The following MDGA1 variants were observed in gnomAD, a reference collection of about 807,000 sequenced individuals.
MDGA1 encodes the protein MAM domain-containing glycosylphosphatidylinositol anchor protein 1.
In MDGA1, 54 loss-of-function variants were observed where a neutral mutation model predicts 101.5. The observed-to-expected ratio is 0.53, with a 90% CI of 0.43 to 0.67. The LOEUF (loss-of-function observed/expected upper bound fraction) is 0.67, where lower values mean the gene tolerates loss of function less well. Among genes scored for constraint, MDGA1 ranks in the 30% least tolerant of loss-of-function variants. The pLI is 0.00. For missense variants in MDGA1, 1,083 were observed against 1,323.8 expected (o/e 0.82, Z 2.82); for synonymous variants, 533 against 558.3 (o/e 0.95, Z 0.64).
At chr6:37,653,277 G>A (rs1761409329) in intron 6 of MDGA1, among the ~76,000 whole-genome samples, 1 of 152,194 alleles carries the variant, frequency 6.6e-6, no homozygotes, top group African/African-American at 2.4e-5. Context: ...CTTCTGATGG[G>A]AAAAGTACCA....
chr6:37,649,128 G>GGCA lies in MDGA1; in HGVS notation c.1745_1747dup (p.Leu582dup), dbSNP rs768762270. On this transcript the variant is annotated inframe_insertion, in exon 9 of 17. Transcript: ENST00000434837. ...GGCGGCGGGAACAACAGGCGGCGGC[G>GGCA]GCAGCAGCTGCCCTTTGAAACGCCA... 1.5e-4 allele frequency: 228 copies of GGCA among 1,513,378 alleles called. No individual in the cohort carries two copies. The highest frequency in any genetic ancestry group is 1.1e-3 in the Middle Eastern group (6 of 5,466). The allele number at this position is 1,513,378 out of a possible 1,614,324, so 93.7% of individuals were successfully genotyped here. A position where few individuals can be genotyped will look rare whatever the true frequency, so the allele number is the denominator to read the frequency against.
chr6:37,651,285 C>T (rs993310723), intron 7 of MDGA1, among the ~76,000 whole-genome samples: 3 of 152,170 alleles, frequency 2.0e-5, no homozygotes, highest in African/African-American at 7.2e-5. Context: ...ACACATTGCC[C>T]AATCAGAGGG....
chr6:37,667,048 T>C (rs1761771057), intron 1 of MDGA1, among the ~76,000 whole-genome samples: 1 of 152,232 alleles, frequency 6.6e-6, no homozygotes, highest in African/African-American at 2.4e-5. Flanking sequence ...AGTCGTAATG[T>C]GTTTTACAGA....
intron 3 of MDGA1, among the ~76,000 whole-genome samples, chr6:37,657,828 G>A (rs1761526305): frequency 6.6e-6 from 1 of 152,162 alleles, no homozygotes; most frequent in East Asian, 1.9e-4. Context: ...TAGTAAGGAG[G>A]GAAATCTCAG....
In MDGA1 at chr6:37,684,430, G is replaced by A. The variant is rs555289238; in HGVS notation, c.67+12315C>T. Among the ~76,000 whole-genome samples, 7 of 152,332 alleles carry A rather than the reference G, an allele frequency of 4.6e-5. 1 individual carries two copies. In the East Asian group the frequency reaches 1.3e-3, roughly 29 times the overall value. Reference sequence around the variant, plus strand: ...TGAGAATAAGAAATGAGGTTCACAGGGGTAGGGGAAGGATTATAGAGATGT... The same window carrying A: ...TGAGAATAAGAAATGAGGTTCACAGAGGTAGGGGAAGGATTATAGAGATGT... On this transcript the variant is annotated intron_variant, in intron 1 of 16. Coordinates refer to ENST00000434837, the MANE Select transcript of MDGA1 (RefSeq NM_153487.4).
rs35594367 is a variant in MDGA1 at position 37,664,842 on chromosome 6, G to GACACACACACACACACACACACACACAC, written c.68-764_68-737dup. Among the ~76,000 whole-genome samples the GACACACACACACACACACACACACACAC allele has an allele frequency of 5.4e-5, 3 of 55,260 alleles. 1 individual carries two copies. The highest frequency in any genetic ancestry group is 1.1e-3 in the South Asian group (1 of 930). The allele number at this position is 55,260 out of a possible 152,430, so 36.3% of individuals were successfully genotyped here. ...TTTGCTTTTAGAGAGCCTAACCTAAGACACACACACACACACACACACACA... is the reference window on the plus strand; with the variant it reads ...TTTGCTTTTAGAGAGCCTAACCTAAGACACACACACACACACACACACACACACACACACACACACACACACACACACA... On this transcript the variant is annotated intron_variant, in intron 1 of 16. Coordinates refer to ENST00000434837, the MANE Select transcript of MDGA1 (RefSeq NM_153487.4).
At position 37,638,416 on chromosome 6, in the gene MDGA1, C is replaced by T; in HGVS notation, c.2668-103G>A. On this transcript the variant is annotated intron_variant, in intron 15 of 16. Coordinates refer to ENST00000434837, the MANE Select transcript of MDGA1 (RefSeq NM_153487.4). The surrounding 1 kb of genome is among the most constrained non-coding windows in gnomAD (Gnocchi z 4.8). Reference sequence around the variant, plus strand: ...TTTCCCCTTAATCTACCTGGAAGTTCCCCCTAACCTGACTCTTTCCATCCT... The same window carrying T: ...TTTCCCCTTAATCTACCTGGAAGTTTCCCCTAACCTGACTCTTTCCATCCT... 1 of 1,528,000 alleles carries T rather than the reference C, an allele frequency of 6.5e-7. No homozygotes were observed. Among genetic ancestry groups the T allele is most frequent in the Non-Finnish European group, 8.9e-7 (1 of 1,122,386 alleles). The allele number at this position is 1,528,000 out of a possible 1,614,324, so 94.7% of individuals were successfully genotyped here.
Position 37,649,149 on chromosome 6 carries a change from C to T in MDGA1, c.1727G>A (p.Arg576His), listed in dbSNP as rs1485249236. The T allele has an allele frequency of 2.0e-6, 3 of 1,506,374 alleles. No homozygotes were observed. The highest frequency in any genetic ancestry group is 2.6e-5 in the East Asian group (1 of 38,726). 93.3% of individuals were successfully genotyped at this position (1,506,374 alleles called of 1,614,324 possible). A position where few individuals can be genotyped will look rare whatever the true frequency, so the allele number is the denominator to read the frequency against. ...SPQRIASAVW[R>H]FKGQLLPPPP... ...CGGCGGCAGCAGCTGCCCTTTGAAA[C>T]GCCACACAGCCGAGGCGATGCGCTG... Residue 576 changes from arginine (R) to histidine (H), a missense_variant, in exon 9 of 17, where the codon CGT (arginine) becomes CAT (histidine). This residue lies in a region of MDGA1 where 657 missense variants were observed against 771.4 expected (regional missense o/e 0.85). Transcript: ENST00000434837.
rs1212022160 is a variant in MDGA1, at chr6:37,661,101, T to A, written c.208-2682A>T. On this transcript the variant is annotated intron_variant, in intron 2 of 16. Coordinates refer to ENST00000434837, the MANE Select transcript of MDGA1 (RefSeq NM_153487.4). ...GAGTCTGGGCTGTGGGACAGAGATC[T>A]TCTGGTCCTCATTCATAGATGATGC... is the stretch of plus-strand genomic sequence containing the variant. 3.9e-5 allele frequency among the ~76,000 whole-genome samples: 6 copies of A among 152,362 alleles called. No individual in the cohort carries two copies. In the East Asian group the frequency reaches 1.2e-3, roughly 29 times the overall value.
intron 2 of MDGA1, among the ~76,000 whole-genome samples, chr6:37,662,382 A>C (rs1020605220): frequency 6.6e-6 from 1 of 152,132 alleles, no homozygotes; most frequent in Non-Finnish European, 1.5e-5. Flanking sequence ...CTGAAGCAGG[A>C]GTTCAAGACC....
chr6:37,658,853 C>T (rs1761556679), intron 2 of MDGA1, among the ~76,000 whole-genome samples: 1 of 151,886 alleles, frequency 6.6e-6, no homozygotes, highest in African/African-American at 2.4e-5. Context: ...CACCTGTGGT[C>T]CCAGCTACTC....
rs1216717185 is a variant in MDGA1, at chr6:37,696,730, G to A, written c.67+15C>T. On this transcript the variant is annotated intron_variant, in intron 1 of 16. Coordinates refer to ENST00000434837, the MANE Select transcript of MDGA1 (RefSeq NM_153487.4). The surrounding 1 kb of genome is among the most constrained non-coding windows in gnomAD (Gnocchi z 5.6). ...GCGAGGTTAAGCCAAGGTGGAGCGG[G>A]ACGCGGGCTCTTACCGTAGACTCCT... 1 of 1,571,274 alleles carries A rather than the reference G, an allele frequency of 6.4e-7. No individual in the cohort carries two copies. The highest frequency in any genetic ancestry group is 1.2e-5 in the South Asian group (1 of 85,502).
chr6:37,690,597 T>G (rs1762288422), intron 1 of MDGA1, among the ~76,000 whole-genome samples: 1 of 152,028 alleles, frequency 6.6e-6, no homozygotes, highest in Admixed American at 6.5e-5. Flanking sequence ...GCTAACATGG[T>G]GAAACCCCGT....
chr6:37,658,069 G>T (rs1037479514), intron 3 of MDGA1, among the ~76,000 whole-genome samples, 176 bp downstream of exon 3: 1 of 152,188 alleles, frequency 6.6e-6, no homozygotes, highest in Non-Finnish European at 1.5e-5. Context: ...TTACAGGTGC[G>T]AAGGTGTAGA....
intron 1 of MDGA1, among the ~76,000 whole-genome samples, chr6:37,664,778 T>C (rs962157896): frequency 4.8e-5 from 7 of 147,346 alleles, no homozygotes; most frequent in African/African-American, 1.8e-4. Flanking sequence ...GCAAATCACT[T>C]GGCTAAACCA....
At chr6:37,654,612 C>T (rs1761440424) in intron 5 of MDGA1, 69 bp from the exon 6 acceptor site, 1 of 1,604,956 alleles carries the variant, frequency 6.2e-7, no homozygotes, top group Admixed American at 1.7e-5. Flanking sequence ...GAGTAAGGGG[C>T]TAGGAAAACC....
chr6:37,693,285 T>C (rs1027111863), intron 1 of MDGA1, among the ~76,000 whole-genome samples: 1 of 152,142 alleles, frequency 6.6e-6, no homozygotes, highest in African/African-American at 2.4e-5. Context: ...ACTGGGACAC[T>C]CACTTCCTGA....
At chr6:37,691,240 T>G (rs1006929194) in intron 1 of MDGA1, among the ~76,000 whole-genome samples, 2 of 152,138 alleles carry the variant, frequency 1.3e-5, no homozygotes, top group African/African-American at 4.8e-5. Flanking sequence ...GAAGATCCGG[T>G]GGGACTGAGT....
rs1035350795 is a variant in MDGA1, at chr6:37,632,924, C to CA, written c.*4443dup. ...AAGAATGCATGGAGACCTAGAGGGC[C>CA]ACCAGAGTTGGGCTGAGATGGTGAT... On this transcript the variant is annotated 3_prime_UTR_variant, in exon 17 of 17. Transcript: ENST00000434837. 3 of 152,660 alleles carry CA rather than the reference C, an allele frequency of 2.0e-5. No individual in the cohort carries two copies. Among genetic ancestry groups the CA allele is most frequent in the African/African-American group, 7.2e-5 (3 of 41,398 alleles). The allele number at this position is 152,660 out of a possible 1,614,324, so 9.5% of individuals were successfully genotyped here. A position where few individuals can be genotyped will look rare whatever the true frequency, so the allele number is the denominator to read the frequency against.
Sources: allele counts gnomAD v4.1 joint callset (sites outside exome capture counted in the v4.1 genomes callset), GRCh38; gene constraint gnomAD v4.1.1; regional missense constraint gnomAD v4.1.1; non-coding constraint Gnocchi (gnomAD v3.1); transcripts MANE v1.5; gene names NCBI Gene and HGNC (gene_info 2026-07-23, HGNC 2026-07-21).